The following KCNMA1 variants were observed in gnomAD, a reference collection of about 807,000 sequenced individuals.
The protein encoded by KCNMA1 is potassium calcium-activated channel subfamily M alpha 1, also known as Calcium-activated potassium channel subunit alpha-1.
KCNMA1 carries 29 observed loss-of-function variants against 140.0 expected under a neutral mutation model. That is an observed-to-expected ratio of 0.21 (90% CI 0.15 to 0.28). KCNMA1 has a LOEUF of 0.28. KCNMA1 is among the 10% of genes least tolerant of loss of function. KCNMA1 has a pLI of 1.00. For missense variants in KCNMA1, 880 were observed against 1,602.2 expected, an observed-to-expected ratio of 0.55 and a Z score of 7.70; for synonymous variants, 612 against 611.9, an observed-to-expected ratio of 1.00 and a Z score of 0.00.
At chr10:77,208,263 A>G (rs2154169395) in intron 3 of KCNMA1, among the ~76,000 whole-genome samples, 1 of 152,322 alleles carries the variant, frequency 6.6e-6, no homozygotes, top group Non-Finnish European at 1.5e-5. Flanking sequence ...CAAATGCCCA[A>G]TGTAAGAGCA....
intron 1 of KCNMA1, among the ~76,000 whole-genome samples, chr10:77,499,422 T>TATATATATATATAC (rs1390141467): frequency 2.8e-5 from 3 of 105,586 alleles, no homozygotes; most frequent in African/African-American, 9.6e-5. Flanking sequence ...TATATATATA[T>TATATATATATATAC]ACACACACAC....
At chr10:76,943,133 TAGA>T (rs1302756587) in intron 23 of KCNMA1, among the ~76,000 whole-genome samples, 1 of 152,176 alleles carries the variant, frequency 6.6e-6, no homozygotes, top group Non-Finnish European at 1.5e-5. Flanking sequence ...TTTCAACTCC[TAGA>T]AGGTCAGCTT....
chr10:77,248,334 T>A (rs1485478776), intron 3 of KCNMA1, among the ~76,000 whole-genome samples: 3 of 152,130 alleles, frequency 2.0e-5, no homozygotes, highest in Non-Finnish European at 2.9e-5. Context: ...CTCAAACTTG[T>A]GCTACAGGAT....
At chr10:77,466,203 T>C (rs1400547655) in intron 1 of KCNMA1, among the ~76,000 whole-genome samples, 3 of 152,122 alleles carry the variant, frequency 2.0e-5, no homozygotes, top group Non-Finnish European at 4.4e-5. Context: ...ACACCCACTC[T>C]CCCTCACTTC....
intron 1 of KCNMA1, among the ~76,000 whole-genome samples, chr10:77,448,859 C>T (rs975734759): frequency 1.4e-4 from 22 of 152,022 alleles, no homozygotes; most frequent in African/African-American, 5.1e-4. Flanking sequence ...GAGGCCAAGG[C>T]GGGCAGATTA....
chr10:77,398,272 A>G (rs2096136622), intron 2 of KCNMA1, among the ~76,000 whole-genome samples: 1 of 152,144 alleles, frequency 6.6e-6, no homozygotes, highest in Admixed American at 6.5e-5. Context: ...CACTTCTTTG[A>G]GAAATTTCTG....
chr10:76,876,112 T>C (rs1391067862), downstream of KCNMA1: 1 of 152,532 alleles, frequency 6.6e-6, no homozygotes, highest in African/African-American at 2.4e-5. Context: ...GTAATTGGAG[T>C]ACTTAGTGGA....
At chr10:77,613,978 G>A (rs2088201462) in intron 1 of KCNMA1, among the ~76,000 whole-genome samples, 1 of 152,244 alleles carries the variant, frequency 6.6e-6, no homozygotes, top group Non-Finnish European at 1.5e-5. Flanking sequence ...CAGGAGCCCT[G>A]TGACAAGTCA....
At chr10:77,489,002 C>T (rs1442665835) in intron 1 of KCNMA1, among the ~76,000 whole-genome samples, 1 of 152,170 alleles carries the variant, frequency 6.6e-6, no homozygotes, top group Non-Finnish European at 1.5e-5. Flanking sequence ...GCCTGCTCCA[C>T]TCAAGGCCCA....
At chr10:77,196,909 G>C (rs2040680346) in intron 3 of KCNMA1, among the ~76,000 whole-genome samples, 1 of 152,118 alleles carries the variant, frequency 6.6e-6, no homozygotes. Flanking sequence ...TGAGAAAACA[G>C]ATCCTGACAG....
intron 25 of KCNMA1, among the ~76,000 whole-genome samples, chr10:76,894,052 G>A (rs1191820305): frequency 6.6e-6 from 1 of 152,096 alleles, no homozygotes; most frequent in African/African-American, 2.4e-5. Flanking sequence ...AGACGAAGTT[G>A]GAAGTTTCAT....
chr10:77,170,731 A>C (rs916836034), intron 5 of KCNMA1, among the ~76,000 whole-genome samples: 1 of 152,230 alleles, frequency 6.6e-6, no homozygotes, highest in African/African-American at 2.4e-5. Flanking sequence ...TTAGGAAGCG[A>C]TATCAACCAA....
chr10:77,465,276 C>A (rs146763446), intron 1 of KCNMA1, among the ~76,000 whole-genome samples: 181 of 152,296 alleles, frequency 1.2e-3, no homozygotes, highest in African/African-American at 4.1e-3. Context: ...CAACTAAGTG[C>A]AAAGCTGGTA....
chr10:76,906,852 T>C (rs1284095413), intron 25 of KCNMA1, among the ~76,000 whole-genome samples: 1 of 152,190 alleles, frequency 6.6e-6, no homozygotes, highest in Non-Finnish European at 1.5e-5. Flanking sequence ...AACGTCTGGA[T>C]CCAACTAGAT....
chr10:77,223,755 C>A (rs2050424847), intron 3 of KCNMA1, among the ~76,000 whole-genome samples: 1 of 152,100 alleles, frequency 6.6e-6, no homozygotes. Flanking sequence ...AGCACAGTTT[C>A]AAGGAGGGTG....
At chr10:77,637,131 G>A (rs1255188443) in intron 1 of KCNMA1, 134 bp downstream of exon 1, 3 of 1,261,774 alleles carry the variant, frequency 2.4e-6, no homozygotes, top group Non-Finnish European at 3.2e-6. Context: ...GCCGAGGGAA[G>A]GGAAGGCGGC....
At chr10:77,180,332 T>G (rs1459333721) in intron 5 of KCNMA1, among the ~76,000 whole-genome samples, 1 of 152,228 alleles carries the variant, frequency 6.6e-6, no homozygotes, top group African/African-American at 2.4e-5. Flanking sequence ...TGTTTCACAA[T>G]GTAATAACCC....
At chr10:77,497,694 T>A (rs905953210) in intron 1 of KCNMA1, among the ~76,000 whole-genome samples, 1 of 152,192 alleles carries the variant, frequency 6.6e-6, no homozygotes, top group African/African-American at 2.4e-5. Context: ...TCTTAGAATC[T>A]GAGGTTGTAA....
At chr10:77,242,379 G>A (rs959373407) in intron 3 of KCNMA1, among the ~76,000 whole-genome samples, 2 of 152,068 alleles carry the variant, frequency 1.3e-5, no homozygotes, top group Admixed American at 6.5e-5. Context: ...CACAAAGCCC[G>A]AGTACAGGCC....
Sources: gnomAD v4.1 joint callset for allele counts (sites outside exome capture counted in the v4.1 genomes callset) on GRCh38, gnomAD v4.1.1 for gene constraint, MANE v1.5 for transcripts, NCBI Gene and HGNC (gene_info 2026-07-23, HGNC 2026-07-21) for gene names.